Variants in SUMF1 observed in about 807,000 individuals in gnomAD.
SUMF1 encodes the protein formylglycine-generating enzyme.
A neutral mutation model predicts 47.6 loss-of-function variants in SUMF1; 48 were observed. That is an observed-to-expected ratio of 1.01 (90% CI 0.80 to 1.28). The LOEUF (loss-of-function observed/expected upper bound fraction) is 1.28. Among genes scored for constraint, SUMF1 ranks in the 50% most tolerant of loss-of-function variants. The pLI, the probability that SUMF1 is intolerant of heterozygous loss-of-function variation, is 0.00. For synonymous variants in SUMF1, 230 were observed against 192.1 expected, an observed-to-expected ratio of 1.20 and a Z score of -1.63; for missense variants, 571 against 485.4, an observed-to-expected ratio of 1.18 and a Z score of -1.66.
Position 4,399,736 on chromosome 3 carries a change from G to A in SUMF1, c.954+11129C>T, listed in dbSNP as rs111610112. On this transcript the variant is annotated intron_variant, in intron 7 of 8. Coordinates refer to ENST00000272902, the MANE Select transcript of SUMF1 (RefSeq NM_182760.4). Reference sequence around the variant, plus strand: ...CAGAGTCTGGCCCTCAAAACAGTGCGTAAATTTCCTTTCTTTTCTTTTCTT... The same window carrying A: ...CAGAGTCTGGCCCTCAAAACAGTGCATAAATTTCCTTTCTTTTCTTTTCTT... 8.0e-3 allele frequency among the ~76,000 whole-genome samples: 1,214 copies of A among 152,220 alleles called. 11 individuals carry two copies. Among genetic ancestry groups the A allele is most frequent in the African/African-American group, 0.016 (680 of 41,544 alleles).
chr3:4,465,082 A>T (rs192022992), intron 1 of SUMF1, among the ~76,000 whole-genome samples: 1 of 152,356 alleles, frequency 6.6e-6, no homozygotes, highest in Admixed American at 6.5e-5. Context: ...TTGCCAGAGG[A>T]ATCTAGATAA....
intron 9 of SUMF1, among the ~76,000 whole-genome samples, chr3:4,060,543 AG>A (rs1559435074): frequency 6.6e-6 from 1 of 152,200 alleles, no homozygotes; most frequent in Admixed American, 6.5e-5. Flanking sequence ...CCCCCAGCAG[AG>A]TCTTGGGTAG....
chr3:4,381,265 C>T (rs1473189560), intron 7 of SUMF1, among the ~76,000 whole-genome samples: 4 of 152,140 alleles, frequency 2.6e-5, no homozygotes, highest in Non-Finnish European at 5.9e-5. Context: ...TATGTTCTCA[C>T]TCATAAGTGG....
At chr3:4,211,173 CATAT>C (rs1189095905) in intron 8 of SUMF1, among the ~76,000 whole-genome samples, 1 of 107,074 alleles carries the variant, frequency 9.3e-6, no homozygotes, top group East Asian at 2.4e-4. Context: ...TATATACACA[CATAT>C]ATATACATAT....
intron 8 of SUMF1, among the ~76,000 whole-genome samples, chr3:4,331,690 C>T (rs1037512389): frequency 3.2e-4 from 49 of 152,096 alleles, no homozygotes; most frequent in African/African-American, 1.1e-3. Context: ...ATTAGCTTGG[C>T]GTGGTGGCAC....
At chr3:4,333,426 A>T (rs1412486181) in intron 8 of SUMF1, among the ~76,000 whole-genome samples, 1 of 152,236 alleles carries the variant, frequency 6.6e-6, no homozygotes, top group African/African-American at 2.4e-5. Flanking sequence ...ATCGGGTGGA[A>T]CCATTTAGTG....
At chr3:4,456,790 G>GTGTATATACGTGTA (rs2079636437) in intron 1 of SUMF1, among the ~76,000 whole-genome samples, 1 of 2,274 alleles carries the variant, frequency 4.4e-4, no homozygotes, top group Admixed American at 4.6e-3. Context: ...ACGTGTGTGT[G>GTGTATATACGTGTA]TATATATACG....
At chr3:4,089,692 A>G (rs1050322693) in intron 8 of SUMF1, among the ~76,000 whole-genome samples, 3 of 152,192 alleles carry the variant, frequency 2.0e-5, no homozygotes, top group Non-Finnish European at 2.9e-5. Context: ...AACCTATGCA[A>G]TTCCTAACTC....
At chr3:4,131,198 G>C (rs965261879) in intron 8 of SUMF1, among the ~76,000 whole-genome samples, 1 of 152,130 alleles carries the variant, frequency 6.6e-6, no homozygotes, top group Non-Finnish European at 1.5e-5. Context: ...TGTGTCATGC[G>C]CAGTAACTTT....
At chr3:4,282,347 A>C (rs1407539834) in intron 8 of SUMF1, among the ~76,000 whole-genome samples, 5 of 152,180 alleles carry the variant, frequency 3.3e-5, no homozygotes, top group Non-Finnish European at 7.4e-5. Flanking sequence ...AAGAATTTTG[A>C]ATTTTGCCTT....
intron 8 of SUMF1, among the ~76,000 whole-genome samples, chr3:4,137,628 C>G (rs7611166): frequency 0.26 from 38,898 of 151,828 alleles, 5,850 homozygotes; most frequent in East Asian, 0.4. Context: ...TAATTAAAAA[C>G]AAACAAACAA....
intron 8 of SUMF1, among the ~76,000 whole-genome samples, chr3:4,308,494 A>G (rs1293595137): frequency 2.6e-5 from 4 of 152,242 alleles, no homozygotes; most frequent in Non-Finnish European, 4.4e-5. Context: ...AAAGAAGCCA[A>G]TATTTTTATA....
intron 7 of SUMF1, among the ~76,000 whole-genome samples, chr3:4,380,647 G>C (rs138686973): frequency 2.6e-5 from 4 of 152,228 alleles, no homozygotes; most frequent in Non-Finnish European, 5.9e-5. Context: ...CTACAACCAG[G>C]CAGGAACCAT....
intron 8 of SUMF1, among the ~76,000 whole-genome samples, chr3:4,165,597 C>T (rs1165140895): frequency 1.3e-5 from 2 of 152,090 alleles, no homozygotes; most frequent in Non-Finnish European, 2.9e-5. Flanking sequence ...AGGTATTTCA[C>T]TCCATTTGCC....
chr3:4,345,075 A>T lies in SUMF1; in HGVS notation c.1014+31255T>A, dbSNP rs142196732. Among the ~76,000 whole-genome samples, 733 of 152,276 alleles carry T rather than the reference A, an allele frequency of 4.8e-3. 7 individuals are homozygous for T. Among genetic ancestry groups the T allele is most frequent in the African/African-American group, 0.017 (707 of 41,560 alleles). ...TATGATTGATTGGAGTACCAGAAGG[A>T]GACAGGGAGAATGGAAACAAGTGGG... On this transcript the variant is annotated intron_variant and NMD_transcript_variant, in intron 8 of 12. Coordinates refer to the SUMF1 transcript ENST00000448413.
chr3:4,454,125 A>G (rs1007939876), intron 1 of SUMF1, among the ~76,000 whole-genome samples: 6 of 152,192 alleles, frequency 3.9e-5, no homozygotes, highest in African/African-American at 1.4e-4. Flanking sequence ...CTAAAATAGA[A>G]AGTTTTAAAG....
chr3:4,106,644 G>C (rs949846732), intron 8 of SUMF1, among the ~76,000 whole-genome samples: 1 of 152,054 alleles, frequency 6.6e-6, no homozygotes, highest in Non-Finnish European at 1.5e-5. Flanking sequence ...AAAAGTAGAA[G>C]CCGAATAATC....
chr3:4,426,138 G>A, intron 3 of SUMF1, among the ~76,000 whole-genome samples: 1 of 152,070 alleles, frequency 6.6e-6, no homozygotes, highest in East Asian at 1.9e-4. Flanking sequence ...GGGTGTGAGG[G>A]GTAAACAGAA....
At chr3:4,364,353 C>T in intron 8 of SUMF1, among the ~76,000 whole-genome samples, 1 of 104,032 alleles carries the variant, frequency 9.6e-6, no homozygotes, top group Non-Finnish European at 2.0e-5. Flanking sequence ...CCATCTGGTC[C>T]TGGACTCTTT....
Sources: allele counts gnomAD v4.1 joint callset (sites outside exome capture counted in the v4.1 genomes callset), GRCh38; gene constraint gnomAD v4.1.1; transcripts MANE v1.5; gene names NCBI Gene and HGNC (gene_info 2026-07-23, HGNC 2026-07-21).